Variants in FSTL1 observed in about 807,000 individuals in gnomAD.
The protein encoded by FSTL1 is follistatin-related protein 1.
In FSTL1, 24 loss-of-function variants were observed where a neutral mutation model predicts 45.9. The observed-to-expected ratio is 0.52, with a 90% CI of 0.38 to 0.74. FSTL1 has a LOEUF of 0.74. Ranked by LOEUF, FSTL1 falls within the 30% of genes least tolerant of loss-of-function variation. The probability of loss-of-function intolerance (pLI) is 0.00; values close to 1 mark genes in which losing one functional copy is unlikely to be tolerated. For missense variants in FSTL1, 340 were observed against 381.8 expected (o/e 0.89, Z 0.91); for synonymous variants, 120 against 137.6 (o/e 0.87, Z 0.89).
intron 2 of FSTL1, among the ~76,000 whole-genome samples, chr3:120,420,600 CCTGA>C (rs1456971538): frequency 6.6e-6 from 1 of 152,202 alleles, no homozygotes; most frequent in Non-Finnish European, 1.5e-5. Context: ...TGGGAACATT[CCTGA>C]CTTTTTACTA....
rs1553789478 is a variant in FSTL1 at position 120,403,934 on chromosome 3, A to AAAAC, written c.582-581_582-580insGTTT. On this transcript the variant is annotated intron_variant, in intron 7 of 10. Coordinates refer to ENST00000295633, the MANE Select transcript of FSTL1 (RefSeq NM_007085.5). ...AGACTCCGTCTCAAAAAAAAAAAAA[A>AAAAC]AAAAAAAAAACAAAAACAAAACAAA... is the stretch of plus-strand genomic sequence containing the variant. Among the ~76,000 whole-genome samples the AAAAC allele has an allele frequency of 1.4e-3, 179 of 129,550 alleles. 1 individual carries two copies. The highest frequency in any genetic ancestry group is 2.2e-3 in the Non-Finnish European group (133 of 59,598). 85.0% of individuals were successfully genotyped at this position (129,550 alleles called of 152,430 possible).
intron 2 of FSTL1, among the ~76,000 whole-genome samples, chr3:120,424,401 C>T (rs892476250): frequency 6.6e-6 from 1 of 152,152 alleles, no homozygotes; most frequent in African/African-American, 2.4e-5. Flanking sequence ...AGAATACAGG[C>T]CAATGCAGTC....
intron 6 of FSTL1, among the ~76,000 whole-genome samples, chr3:120,405,622 C>T (rs1936932127): frequency 6.6e-6 from 1 of 152,248 alleles, no homozygotes; most frequent in Non-Finnish European, 1.5e-5. Flanking sequence ...CTCCTCTGCC[C>T]TGTGGGCCCC....
At chr3:120,420,366 G>C (rs1302939242) in intron 2 of FSTL1, among the ~76,000 whole-genome samples, 2 of 152,146 alleles carry the variant, frequency 1.3e-5, no homozygotes, top group Non-Finnish European at 2.9e-5. Flanking sequence ...ATTTGAGTGG[G>C]GGTAGAGGGT....
chr3:120,417,990 C>T (rs1280973480), intron 2 of FSTL1, among the ~76,000 whole-genome samples: 1 of 152,198 alleles, frequency 6.6e-6, no homozygotes, highest in Admixed American at 6.5e-5. Flanking sequence ...ACCTGTTATT[C>T]ATGGGAATGC....
chr3:120,415,720 A>C (rs1937175887), intron 3 of FSTL1: 1 of 496,004 alleles, frequency 2.0e-6, no homozygotes. Context: ...AAAAAATCTT[A>C]TAAAGCTAAA....
chr3:120,446,715 T>C (rs182036775), intron 2 of FSTL1, among the ~76,000 whole-genome samples: 38 of 152,254 alleles, frequency 2.5e-4, no homozygotes, highest in East Asian at 1.4e-3. Flanking sequence ...CTAAAGAACA[T>C]AGAGGAGCTC....
intron 2 of FSTL1, among the ~76,000 whole-genome samples, chr3:120,420,410 A>G (rs778678276): frequency 5.9e-5 from 9 of 152,192 alleles, no homozygotes; most frequent in Admixed American, 2.0e-4. Context: ...AGATATATTG[A>G]TAAAAATCAG....
chr3:120,443,609 G>GACAC (rs148959628), intron 2 of FSTL1, among the ~76,000 whole-genome samples: 3 of 149,196 alleles, frequency 2.0e-5, no homozygotes, highest in South Asian at 2.1e-4. Flanking sequence ...AATATCCCAT[G>GACAC]ACACACACAC....
chr3:120,412,816 ATGTGCGCGCGCGCGCGCG>A lies in FSTL1; in HGVS notation c.169-851_169-834del, dbSNP rs1214407349. On this transcript the variant is annotated intron_variant, in intron 3 of 10. Coordinates refer to ENST00000295633, the MANE Select transcript of FSTL1 (RefSeq NM_007085.5). Reference sequence around the variant, plus strand: ...TAGGCAGGCAGGCAAACACACACACATGTGCGCGCGCGCGCGCGCGCGCACACACACACACACACACAC... The same window carrying A: ...TAGGCAGGCAGGCAAACACACACACACGCGCACACACACACACACACACAC... Among the ~76,000 whole-genome samples the A allele has an allele frequency of 1.5e-4, 19 of 129,362 alleles. No homozygotes were observed. In the East Asian group the frequency reaches 3.8e-3, roughly 26 times the overall value. The allele number at this position is 129,362 out of a possible 152,430, so 84.9% of individuals were successfully genotyped here. A position where few individuals can be genotyped will look rare whatever the true frequency, so the allele number is the denominator to read the frequency against.
At chr3:120,423,736 T>A (rs1003430052) in intron 2 of FSTL1, 7 of 152,134 alleles carry the variant, frequency 4.6e-5, no homozygotes, top group Non-Finnish European at 7.4e-5. Flanking sequence ...TCTTTCGGGC[T>A]CCCCATTATG....
intron 2 of FSTL1, among the ~76,000 whole-genome samples, chr3:120,438,969 G>A (rs143208349): frequency 7.9e-4 from 120 of 152,280 alleles, no homozygotes; most frequent in Non-Finnish European, 1.1e-3. Context: ...CCAGTCCCCC[G>A]GGACAGTTTA....
intron 5 of FSTL1, 123 bp downstream of exon 5, chr3:120,410,829 T>G: frequency 1.2e-6 from 1 of 840,420 alleles, no homozygotes; most frequent in Non-Finnish European, 2.1e-6. Context: ...TGGCCAGTTC[T>G]GGGACACAAT....
chr3:120,450,680 C>T lies in FSTL1; in HGVS notation c.63+4G>A, dbSNP rs1044693182. 23 of 1,564,362 alleles carry T rather than the reference C, an allele frequency of 1.5e-5. No homozygotes were observed. The Middle Eastern group carries it at 6.7e-4, about 46-fold the overall frequency. ...GAGTTCGGACTCCTCGGCCCCTCGC[C>T]TACCTCGGCGCGGACCCAGGCGACC... is the stretch of plus-strand genomic sequence containing the variant. On this transcript the variant is annotated splice_donor_region_variant and intron_variant, in intron 2 of 10. Transcript: ENST00000295633.
At position 120,395,453 on chromosome 3, in the gene FSTL1, C is replaced by T; in HGVS notation, c.*1499G>A. ...GTTGAATCTGAAACTTTCTTTTATCCTCATCTCTAAGGGAATGCTTTCTAT... is the reference window on the plus strand; with the variant it reads ...GTTGAATCTGAAACTTTCTTTTATCTTCATCTCTAAGGGAATGCTTTCTAT... On this transcript the variant is annotated 3_prime_UTR_variant, in exon 11 of 11. Coordinates refer to ENST00000295633, the MANE Select transcript of FSTL1 (RefSeq NM_007085.5). 1 of 353,554 alleles carries T rather than the reference C, an allele frequency of 2.8e-6. No individual in the cohort carries two copies. Among genetic ancestry groups the T allele is most frequent in the Non-Finnish European group, 5.5e-6 (1 of 183,210 alleles). 21.9% of individuals were successfully genotyped at this position (353,554 alleles called of 1,614,324 possible).
At chr3:120,403,983 CA>C (rs59512220) in intron 7 of FSTL1, among the ~76,000 whole-genome samples, 1 of 74,052 alleles carries the variant, frequency 1.4e-5, no homozygotes, top group African/African-American at 5.9e-5. Flanking sequence ...CAAAAAAAAA[CA>C]AAAAACAAAA....
At chr3:120,402,540 T>C (rs1936846241) in intron 9 of FSTL1, among the ~76,000 whole-genome samples, 1 of 152,184 alleles carries the variant, frequency 6.6e-6, no homozygotes, top group Non-Finnish European at 1.5e-5. Context: ...AATGTTACTA[T>C]TCCATTATCA....
intron 6 of FSTL1, among the ~76,000 whole-genome samples, chr3:120,406,129 C>A (rs1028948931): frequency 7.9e-5 from 12 of 152,140 alleles, no homozygotes; most frequent in Admixed American, 5.9e-4. Flanking sequence ...GTGCATGAAA[C>A]AACTATTAGG....
intron 7 of FSTL1, 100 bp downstream of exon 7, chr3:120,404,753 T>G (rs1936913772): frequency 1.4e-6 from 1 of 730,416 alleles, no homozygotes; most frequent in South Asian, 1.6e-5. Context: ...CGTGACATTC[T>G]CTCACTGGTG....
Sources: gnomAD v4.1 joint callset for allele counts (sites outside exome capture counted in the v4.1 genomes callset) on GRCh38, gnomAD v4.1.1 for gene constraint, MANE v1.5 for transcripts, NCBI Gene and HGNC (gene_info 2026-07-23, HGNC 2026-07-21) for gene names.